Variants in OSBPL10 observed in about 807,000 individuals in gnomAD.
OSBPL10 encodes oxysterol-binding protein-related protein 10.
In OSBPL10, 49 loss-of-function variants were observed where a neutral mutation model predicts 81.7. That is an observed-to-expected ratio of 0.60 (90% CI 0.48 to 0.76). OSBPL10 has a LOEUF of 0.76. OSBPL10 is among the 30% of genes least tolerant of loss of function. The probability of loss-of-function intolerance (pLI) is 0.00; values close to 1 mark genes in which losing one functional copy is unlikely to be tolerated. For synonymous variants in OSBPL10, 419 were observed against 383.6 expected (o/e 1.09, Z -1.08); for missense variants, 923 against 987.8 (o/e 0.93, Z 0.88).
intron 5 of OSBPL10, among the ~76,000 whole-genome samples, chr3:31,738,130 G>C (rs11129460): frequency 0.32 from 49,210 of 151,708 alleles, 9,645 homozygotes; most frequent in East Asian, 0.68. Flanking sequence ...ACATGTCCTG[G>C]GCTGAACAGA....
At chr3:31,837,927 C>T (rs906452938) in intron 3 of OSBPL10, among the ~76,000 whole-genome samples, 1 of 151,928 alleles carries the variant, frequency 6.6e-6, no homozygotes, top group African/African-American at 2.4e-5. Flanking sequence ...GATGAGACAA[C>T]TTAATGTTGT....
At chr3:31,679,268 T>G (rs55683998) in intron 8 of OSBPL10, among the ~76,000 whole-genome samples, 2,333 of 152,308 alleles carry the variant, frequency 0.015, 66 homozygotes, top group African/African-American at 0.052. Flanking sequence ...TGCCCCAGCT[T>G]CACTCTCCTC....
At chr3:32,017,701 G>A (rs1029101693) in intron 2 of OSBPL10, among the ~76,000 whole-genome samples, 2 of 152,132 alleles carry the variant, frequency 1.3e-5, no homozygotes, top group Admixed American at 6.5e-5. Context: ...TGAACTATGT[G>A]ACATCAGTTA....
chr3:31,797,795 ACT>A (rs1223010106), intron 4 of OSBPL10: 20 of 455,966 alleles, frequency 4.4e-5, no homozygotes, highest in African/African-American at 3.0e-4. Context: ...GATGCCAATG[ACT>A]CTCTGTGTGA....
At chr3:31,985,236 C>T (rs983752418), upstream of OSBPL10, among the ~76,000 whole-genome samples, 3 of 152,130 alleles carry the variant, frequency 2.0e-5, no homozygotes, top group African/African-American at 7.2e-5. Flanking sequence ...AAGACTCCAT[C>T]TCAAAAAATG....
At chr3:31,783,197 G>T (rs1218695614) in intron 4 of OSBPL10, among the ~76,000 whole-genome samples, 1 of 145,792 alleles carries the variant, frequency 6.9e-6, no homozygotes, top group African/African-American at 2.6e-5. Flanking sequence ...TGAAATAATG[G>T]CATTCACAGC....
intron 2 of OSBPL10, among the ~76,000 whole-genome samples, chr3:32,001,178 G>T (rs183759840): frequency 1.3e-5 from 2 of 152,268 alleles, no homozygotes; most frequent in African/African-American, 4.8e-5. Flanking sequence ...TTTCAGGTGG[G>T]GTTCTGTGCT....
chr3:31,831,600 C>CA (rs1434124499), intron 3 of OSBPL10, among the ~76,000 whole-genome samples: 3 of 151,770 alleles, frequency 2.0e-5, no homozygotes, highest in Non-Finnish European at 4.4e-5. Context: ...AGACAGCTTA[C>CA]AAAAAAAGAA....
At chr3:31,796,675 C>T (rs571345182) in intron 4 of OSBPL10, among the ~76,000 whole-genome samples, 2 of 152,282 alleles carry the variant, frequency 1.3e-5, no homozygotes, top group South Asian at 2.1e-4. Flanking sequence ...CATCCACGGC[C>T]TCTACCACTA....
intron 8 of OSBPL10, among the ~76,000 whole-genome samples, chr3:31,675,604 A>T (rs866906081): frequency 1.3e-5 from 2 of 152,144 alleles, no homozygotes; most frequent in Admixed American, 1.3e-4. Flanking sequence ...ATTACTCCTC[A>T]TTCTTTAAAG....
chr3:31,896,819 A>G (rs1696073500), intron 1 of OSBPL10, among the ~76,000 whole-genome samples: 2 of 152,158 alleles, frequency 1.3e-5, no homozygotes, highest in South Asian at 4.1e-4. Context: ...CAGGAGGCAG[A>G]GTTAGCAAAG....
chr3:31,701,505 T>A (rs1695893793), intron 7 of OSBPL10, among the ~76,000 whole-genome samples: 1 of 152,142 alleles, frequency 6.6e-6, no homozygotes, highest in African/African-American at 2.4e-5. Context: ...GGTTAGGTCC[T>A]CCGCACGCCT....
chr3:31,742,878 C>T (rs532157803), intron 5 of OSBPL10, among the ~76,000 whole-genome samples: 7 of 152,142 alleles, frequency 4.6e-5, no homozygotes, highest in Non-Finnish European at 1.0e-4. Flanking sequence ...CCCCATAGCA[C>T]GGGGAAGGCA....
intron 4 of OSBPL10, among the ~76,000 whole-genome samples, chr3:31,772,397 T>A (rs1280925712): frequency 6.6e-6 from 1 of 152,200 alleles, no homozygotes; most frequent in Non-Finnish European, 1.5e-5. Flanking sequence ...TACTCAACCA[T>A]TGGGGAAATG....
In OSBPL10 at chr3:31,841,197, G is replaced by A. The variant is rs182451964; in HGVS notation, c.538-10966C>T. Among the ~76,000 whole-genome samples, 444 of 152,352 alleles carry A rather than the reference G, an allele frequency of 2.9e-3. 8 individuals are homozygous for A. The highest frequency in any genetic ancestry group is 6.2e-4 in the Non-Finnish European group (42 of 68,038). ...GTTGGGATTATAGGCATGAGCCACCGCACCTGGCCTAGGCTTATTTTTAAA... is the reference window on the plus strand; with the variant it reads ...GTTGGGATTATAGGCATGAGCCACCACACCTGGCCTAGGCTTATTTTTAAA... On this transcript the variant is annotated intron_variant, in intron 3 of 11. Transcript: ENST00000396556.
chr3:31,837,588 G>C (rs1235935420), intron 3 of OSBPL10, among the ~76,000 whole-genome samples: 1 of 148,764 alleles, frequency 6.7e-6, no homozygotes, highest in Non-Finnish European at 1.5e-5. Context: ...CTGTTTCCTG[G>C]AAGCACTAGC....
intron 1 of OSBPL10, among the ~76,000 whole-genome samples, chr3:31,956,929 T>C (rs1559531578): frequency 6.6e-6 from 1 of 151,952 alleles, no homozygotes; most frequent in African/African-American, 2.4e-5. Context: ...GTCCAGAAGT[T>C]CAAGACCAGC....
Position 32,062,586 on chromosome 3 carries a change from G to T in OSBPL10, n.185+14810C>A, listed in dbSNP as rs554964106. 2.5e-3 allele frequency among the ~76,000 whole-genome samples: 237 copies of T among 94,816 alleles called. 48 individuals are homozygous for T. The highest frequency in any genetic ancestry group is 5.8e-3 in the African/African-American group (214 of 36,854). 62.2% of individuals were successfully genotyped at this position (94,816 alleles called of 152,430 possible). A position where few individuals can be genotyped will look rare whatever the true frequency, so the allele number is the denominator to read the frequency against. ...TTCATGCTGGTCCAGACAAAACTCT[G>T]AGCGCAGATAGGGAAACTTGCCTAA... is the stretch of plus-strand genomic sequence containing the variant. On this transcript the variant is annotated intron_variant and non_coding_transcript_variant, in intron 1 of 3. Coordinates refer to the OSBPL10 transcript ENST00000479173.
intron 1 of OSBPL10, among the ~76,000 whole-genome samples, chr3:31,965,435 T>TATATTATATATAATAGATAATATAA (rs1559534737): frequency 1.2e-5 from 1 of 84,448 alleles, no homozygotes; most frequent in African/African-American, 6.2e-5. Context: ...AGATAATATA[T>TATATTATATATAATAGATAATATAA]AATATATATT....
Sources: allele counts gnomAD v4.1 joint callset (sites outside exome capture counted in the v4.1 genomes callset), GRCh38; gene constraint gnomAD v4.1.1; transcripts MANE v1.5; gene names NCBI Gene and HGNC (gene_info 2026-07-23, HGNC 2026-07-21).